The following MPDZ variants were observed in gnomAD, a reference collection of about 807,000 sequenced individuals.
MPDZ encodes the protein multiple PDZ domain crumbs cell polarity complex component.
A neutral mutation model predicts 239.1 loss-of-function variants in MPDZ; 234 were observed. The observed-to-expected ratio is 0.98, with a 90% confidence interval of 0.88 to 1.09. The LOEUF (loss-of-function observed/expected upper bound fraction) is 1.09, where lower values mean the gene tolerates loss of function less well. Ranked by LOEUF, MPDZ falls within the 50% of genes least tolerant of loss-of-function variation. MPDZ has a pLI of 0.00. For missense variants in MPDZ, 3,175 were observed against 2,510.0 expected, an observed-to-expected ratio of 1.26 and a Z score of -5.66; for synonymous variants, 1,048 against 881.3, an observed-to-expected ratio of 1.19 and a Z score of -3.35.
At chr9:13,270,955 A>T (rs1422453394) in intron 1 of MPDZ, among the ~76,000 whole-genome samples, 1 of 152,162 alleles carries the variant, frequency 6.6e-6, no homozygotes, top group Non-Finnish European at 1.5e-5. Flanking sequence ...ATTACAGAAA[A>T]CATGCAAGTG....
At chr9:13,222,899 C>A (rs1175852960) in intron 5 of MPDZ, among the ~76,000 whole-genome samples, 1 of 151,454 alleles carries the variant, frequency 6.6e-6, no homozygotes, top group Non-Finnish European at 1.5e-5. Flanking sequence ...TAGATTAGAT[C>A]CCCAACTGGG....
At chr9:13,142,231 C>A (rs868501057) in intron 27 of MPDZ, among the ~76,000 whole-genome samples, 6 of 151,532 alleles carry the variant, frequency 4.0e-5, no homozygotes, top group Middle Eastern at 6.8e-3. Flanking sequence ...ATTTTAAGAA[C>A]AAACAAACAA....
At position 13,216,938 on chromosome 9, in the gene MPDZ, A is replaced by T. The variant is rs1958426049; in HGVS notation, c.1202-76T>A. ...AATATCCATCTTCGATTCTCCAACT[A>T]TAAAGCTCTAATTCAGAATAAATAC... On this transcript the variant is annotated intron_variant, in intron 9 of 46. Coordinates refer to ENST00000319217, the MANE Select transcript of MPDZ (RefSeq NM_001378778.1). 6 of 1,116,144 alleles carry T rather than the reference A, an allele frequency of 5.4e-6. No homozygotes were observed. In the South Asian group the frequency reaches 8.2e-5, roughly 15 times the overall value. The allele number at this position is 1,116,144 out of a possible 1,614,324, so 69.1% of individuals were successfully genotyped here.
rs774199331 is a variant in MPDZ at position 13,114,033 on chromosome 9, C to T, written c.5467-12G>A. 4.5e-6 allele frequency: 7 copies of T among 1,572,780 alleles called. No individual in the cohort carries two copies. Among genetic ancestry groups the T allele is most frequent in the Non-Finnish European group, 6.1e-6 (7 of 1,156,050 alleles). On this transcript the variant is annotated splice_polypyrimidine_tract_variant and intron_variant, in intron 40 of 46. Transcript: ENST00000319217. The stretch of plus-strand genomic sequence containing the variant: ...CTGCCTTCACTCACCTACAAATATA[C>T]AACAATTATTTCAGAAGGTTTTGCA...
intron 26 of MPDZ, among the ~76,000 whole-genome samples, chr9:13,145,245 G>C (rs1436464490): frequency 6.6e-6 from 1 of 151,948 alleles, no homozygotes; most frequent in Non-Finnish European, 1.5e-5. Flanking sequence ...TATAGTCCCA[G>C]GGGCTGAGAA....
At chr9:13,276,039 A>G (rs1343331135) in intron 1 of MPDZ, among the ~76,000 whole-genome samples, 2 of 152,200 alleles carry the variant, frequency 1.3e-5, no homozygotes, top group Non-Finnish European at 2.9e-5. Flanking sequence ...CTACTTTCCT[A>G]GAATCCCTGT....
intron 12 of MPDZ, among the ~76,000 whole-genome samples, chr9:13,202,560 C>T (rs1212520793): frequency 6.6e-6 from 1 of 152,170 alleles, no homozygotes; most frequent in Non-Finnish European, 1.5e-5. Context: ...TGATCAGTGC[C>T]TCTGTCTTTG....
chr9:13,165,474 G>A, intron 22 of MPDZ: 5 of 1,537,930 alleles, frequency 3.3e-6, no homozygotes, highest in Non-Finnish European at 4.4e-6. Flanking sequence ...AATGTCTTGT[G>A]CTGAATGTGA....
At chr9:13,119,865 A>T (rs1221512241) in intron 38 of MPDZ, 1 of 564,404 alleles carries the variant, frequency 1.8e-6, no homozygotes, top group Non-Finnish European at 3.1e-6. Flanking sequence ...ATGATCTCCA[A>T]TAAGCATATT....
At chr9:13,181,348 T>A (rs923616235) in intron 19 of MPDZ, among the ~76,000 whole-genome samples, 11 of 152,268 alleles carry the variant, frequency 7.2e-5, no homozygotes, top group Admixed American at 7.2e-4. Flanking sequence ...CTTTTTAATA[T>A]AAATTTGTTG....
intron 22 of MPDZ, among the ~76,000 whole-genome samples, chr9:13,164,837 T>C (rs1327774609): frequency 6.6e-6 from 1 of 152,088 alleles, no homozygotes; most frequent in Non-Finnish European, 1.5e-5. Context: ...TGCAGAGCCA[T>C]GCTAGCACAA....
intron 13 of MPDZ, among the ~76,000 whole-genome samples, chr9:13,193,971 C>A (rs1056223525): frequency 6.6e-6 from 1 of 152,002 alleles, no homozygotes. Context: ...TTAATGATAA[C>A]GTGCAGAAGT....
intron 29 of MPDZ, 70 bp from the exon 30 acceptor site, chr9:13,136,873 T>A: frequency 2.4e-6 from 2 of 829,432 alleles, no homozygotes; most frequent in Non-Finnish European, 3.7e-6. Flanking sequence ...TCCTTCCTCA[T>A]TAATGAAAAG....
chr9:13,198,586 C>G (rs1383967146), intron 12 of MPDZ, among the ~76,000 whole-genome samples: 1 of 151,806 alleles, frequency 6.6e-6, no homozygotes, highest in Admixed American at 6.6e-5. Context: ...AGCTTTTTAG[C>G]TTGATGTGAT....
At chr9:13,198,733 CTCTCTGTGTGTGTGTGTGTG>C (rs1955985006) in intron 12 of MPDZ, among the ~76,000 whole-genome samples, 1 of 89,416 alleles carries the variant, frequency 1.1e-5, no homozygotes, top group African/African-American at 2.8e-5. Flanking sequence ...TTTAATCTCT[CTCTCTGTGTGTGTGTGTGTG>C]TGTGTGTGTG....
At chr9:13,255,695 G>A (rs914354030) in intron 1 of MPDZ, among the ~76,000 whole-genome samples, 1 of 152,114 alleles carries the variant, frequency 6.6e-6, no homozygotes, top group African/African-American at 2.4e-5. Context: ...CTGAGCAGTA[G>A]GTCTCAACAG....
chr9:13,171,181 T>C (rs1424938604), intron 21 of MPDZ, among the ~76,000 whole-genome samples: 1 of 152,174 alleles, frequency 6.6e-6, no homozygotes, highest in Non-Finnish European at 1.5e-5. Context: ...TGAAAATACC[T>C]GACACAAAGT....
intron 39 of MPDZ, among the ~76,000 whole-genome samples, chr9:13,115,931 G>A (rs888810652): frequency 4.7e-5 from 6 of 127,428 alleles, no homozygotes; most frequent in Non-Finnish European, 6.2e-5. Flanking sequence ...GTGACAGAGC[G>A]AGACTTGAGA....
chr9:13,206,744 A>G (rs1957046930), intron 10 of MPDZ, among the ~76,000 whole-genome samples: 5 of 151,992 alleles, frequency 3.3e-5, no homozygotes, highest in Admixed American at 3.3e-4. Flanking sequence ...GGGTTTGACC[A>G]TGTTGGCCAG....
Sources: allele counts gnomAD v4.1 joint callset (sites outside exome capture counted in the v4.1 genomes callset), GRCh38; gene constraint gnomAD v4.1.1; transcripts MANE v1.5; gene names NCBI Gene and HGNC (gene_info 2026-07-23, HGNC 2026-07-21).